Variants in AQP1 observed in about 807,000 individuals in gnomAD.
AQP1 encodes aquaporin-1.
Under a neutral mutation model 19.7 loss-of-function variants are expected in AQP1, and 11 were observed. The ratio of observed to expected loss-of-function variants is 0.56; its 90% CI spans 0.35 to 0.92. The LOEUF is 0.92. AQP1 is among the 40% of genes least tolerant of loss of function. The pLI is 0.01. For synonymous variants in AQP1, 159 were observed against 166.7 expected (o/e 0.95, Z 0.36); for missense variants, 320 against 369.7 (o/e 0.87, Z 1.10).
At chr7:30,913,566 G>A (rs1469744154) in intron 1 of AQP1, among the ~76,000 whole-genome samples, 1 of 152,126 alleles carries the variant, frequency 6.6e-6, no homozygotes, top group East Asian at 1.9e-4. Context: ...TACAGCAGCT[G>A]TCCTCTCGCT....
rs28362731 is a variant in AQP1 at position 30,922,175 on chromosome 7, G to A, written c.494G>A (p.Gly165Asp). 0.032 allele frequency: 51,361 copies of A among 1,612,918 alleles called. 1,056 individuals are homozygous for A. Among genetic ancestry groups the A allele is most frequent in the Middle Eastern group, 0.086 (523 of 6,060 alleles). Residue 165 changes from glycine to aspartate, a missense_variant, in exon 2 of 4, where the codon GGT becomes GAT. Transcript: ENST00000311813. ...ACCGACCGGAGGCGCCGTGACCTTG[G>A]TGGCTCAGCCCCCCTTGCCATCGGC... is the stretch of plus-strand genomic sequence containing the variant. The part of the protein sequence containing the change: ...ATTDRRRRDL[G>D]GSAPLAIGLS...
chr7:30,914,468 G>A (rs944820393), intron 1 of AQP1, among the ~76,000 whole-genome samples: 17 of 152,358 alleles, frequency 1.1e-4, no homozygotes, highest in Admixed American at 6.5e-4. Context: ...ACATAAGGGC[G>A]CTTAGCATGA....
chr7:30,922,315 C>T (rs771697256), intron 2 of AQP1, 85 bp downstream of exon 2: 27 of 1,501,038 alleles, frequency 1.8e-5, no homozygotes, highest in Non-Finnish European at 2.3e-5. Context: ...GCCAGTGGGA[C>T]TCCCGACAGG....
chr7:30,913,673 C>T (rs1791229155), intron 1 of AQP1, among the ~76,000 whole-genome samples: 1 of 152,202 alleles, frequency 6.6e-6, no homozygotes, highest in Non-Finnish European at 1.5e-5. Flanking sequence ...CCATGGGGGG[C>T]TTAGCACTTC....
At position 30,923,142 on chromosome 7, in the gene AQP1, A is replaced by G. The variant is rs28362738; in HGVS notation, c.631-308A>G. The stretch of plus-strand genomic sequence containing the variant: ...ATGTGCTAGGCCAGCTTTGCATTAG[A>G]CAATGGTCTCTGGGGCCCTTCCAAA... On this transcript the variant is annotated intron_variant, in intron 3 of 3. Transcript: ENST00000311813. This position sits in a 1 kb window ranked among gnomAD's most constrained non-coding sequence, Gnocchi z 4.8. Among the ~76,000 whole-genome samples, 2,447 of 152,338 alleles carry G rather than the reference A, an allele frequency of 0.016. 33 individuals are homozygous for G. The highest frequency in any genetic ancestry group is 0.025 in the Non-Finnish European group (1,724 of 68,026).
chr7:30,913,435 A>T (rs28362693), intron 1 of AQP1: 16,640 of 152,818 alleles, frequency 0.11, 1,102 homozygotes, highest in African/African-American at 0.16. Context: ...GAGAGAAGCC[A>T]AGGAGCAGAG....
Position 30,924,098 on chromosome 7 carries a change from A to C in AQP1, c.*469A>C. 1 of 1,201,860 alleles carries C rather than the reference A, an allele frequency of 8.3e-7. No individual in the cohort carries two copies. The highest frequency in any genetic ancestry group is 1.1e-6 in the Non-Finnish European group (1 of 946,680). 74.4% of individuals were successfully genotyped at this position (1,201,860 alleles called of 1,614,324 possible). ...GCTTGGAGGGGGAAGAGATCCCAGG[A>C]GGTGCAGTGGAGGGGGCAAGCTTTG... On this transcript the variant is annotated 3_prime_UTR_variant, in exon 4 of 4. Coordinates refer to ENST00000311813, the MANE Select transcript of AQP1 (RefSeq NM_198098.4).
intron 1 of AQP1, chr7:30,921,797 C>T: frequency 1.9e-6 from 3 of 1,550,632 alleles, no homozygotes. Context: ...TCACCCCAGG[C>T]CTCTCCAGCT....
chr7:30,921,539 G>C (rs1791499638), intron 1 of AQP1: 1 of 1,529,198 alleles, frequency 6.5e-7, no homozygotes, highest in African/African-American at 1.4e-5. Context: ...AAGAGGGGTG[G>C]AGGGAGCCAG....
intron 1 of AQP1, among the ~76,000 whole-genome samples, chr7:30,913,847 C>T (rs879741826): frequency 3.3e-5 from 5 of 152,138 alleles, no homozygotes; most frequent in South Asian, 4.1e-4. Context: ...AAGCTCTGCC[C>T]CCCCAGGCCT....
At chr7:30,913,573 C>A (rs568132000) in intron 1 of AQP1, among the ~76,000 whole-genome samples, 1 of 152,136 alleles carries the variant, frequency 6.6e-6, no homozygotes, top group Non-Finnish European at 1.5e-5. Flanking sequence ...GCTGTCCTCT[C>A]GCTTCCCAGC....
chr7:30,914,273 G>C (rs1040660212), intron 1 of AQP1, among the ~76,000 whole-genome samples: 1 of 152,226 alleles, frequency 6.6e-6, no homozygotes, highest in Admixed American at 6.5e-5. Context: ...AGACACCTGG[G>C]TTCAAGACGT....
rs970796756 is a variant in AQP1, at chr7:30,912,891, G to T, written c.384+598G>T. On this transcript the variant is annotated intron_variant, in intron 1 of 3. Transcript: ENST00000311813. This position sits in a 1 kb window ranked among gnomAD's most constrained non-coding sequence, Gnocchi z 4.3. ...GTGAAAACACTCTCTGGGGCTGTTTGAAGGCAGTTTTCCTGGATTACAGTA... is the reference window on the plus strand; with the variant it reads ...GTGAAAACACTCTCTGGGGCTGTTTTAAGGCAGTTTTCCTGGATTACAGTA... Among the ~76,000 whole-genome samples the T allele has an allele frequency of 6.6e-6, 1 of 152,196 alleles. No individual in the cohort carries two copies. The highest frequency in any genetic ancestry group is 1.5e-5 in the Non-Finnish European group (1 of 68,044).
Position 30,912,929 on chromosome 7 carries a change from C to T in AQP1, c.384+636C>T, listed in dbSNP as rs1239307005. Among the ~76,000 whole-genome samples the T allele has an allele frequency of 1.3e-5, 2 of 151,926 alleles. No individual in the cohort carries two copies. The highest frequency in any genetic ancestry group is 6.6e-5 in the Admixed American group (1 of 15,240). On this transcript the variant is annotated intron_variant, in intron 1 of 3. Coordinates refer to ENST00000311813, the MANE Select transcript of AQP1 (RefSeq NM_198098.4). This position sits in a 1 kb window ranked among gnomAD's most constrained non-coding sequence, Gnocchi z 4.3. ...CTGGATTACAGTATGGGCTGGGGGG[C>T]AAGCGCTGGGCTCCATGGTCTCTAG...
chr7:30,919,591 G>A (rs1740824579), intron 1 of AQP1, among the ~76,000 whole-genome samples: 1 of 150,132 alleles, frequency 6.7e-6, no homozygotes, highest in South Asian at 2.1e-4. Context: ...ATAAGACCTG[G>A]GCCAGGCAAA....
intron 1 of AQP1, among the ~76,000 whole-genome samples, chr7:30,915,166 T>C (rs1163136385): frequency 6.6e-6 from 1 of 152,046 alleles, no homozygotes; most frequent in East Asian, 1.9e-4. Context: ...TGCTGGCTTT[T>C]TTCATTCTTC....
intron 1 of AQP1, chr7:30,921,520 CAG>C: frequency 6.6e-7 from 1 of 1,515,022 alleles, no homozygotes; most frequent in South Asian, 1.3e-5. Context: ...GAGGCAGGCA[CAG>C]AGGAGAAAGA....
At chr7:30,920,156 T>G (rs1791461906) in intron 1 of AQP1, among the ~76,000 whole-genome samples, 1 of 152,278 alleles carries the variant, frequency 6.6e-6, no homozygotes, top group East Asian at 1.9e-4. Flanking sequence ...GGGATGGGGC[T>G]GGGAGGGTTC....
rs139772874 is a variant in AQP1 at position 30,917,963 on chromosome 7, A to T, written c.385-4103A>T. 5.4e-3 allele frequency among the ~76,000 whole-genome samples: 826 copies of T among 151,834 alleles called. 6 individuals carry two copies. Among genetic ancestry groups the T allele is most frequent in the Middle Eastern group, 0.031 (9 of 290 alleles). On this transcript the variant is annotated intron_variant, in intron 1 of 3. Coordinates refer to ENST00000311813, the MANE Select transcript of AQP1 (RefSeq NM_198098.4). ...TTTTAGGCTATGTTGTTTGGTGCAT[A>T]CAAGTGGGGGATTTTTGCAGTTCCT...
Sources: gnomAD v4.1 joint callset for allele counts (sites outside exome capture counted in the v4.1 genomes callset) on GRCh38, gnomAD v4.1.1 for gene constraint, Gnocchi (gnomAD v3.1) non-coding constraint, MANE v1.5 for transcripts, NCBI Gene and HGNC (gene_info 2026-07-23, HGNC 2026-07-21) for gene names.